Variants in ZDHHC20 observed in about 807,000 individuals in gnomAD.
ZDHHC20 encodes the protein palmitoyltransferase ZDHHC20.
A neutral mutation model predicts 57.8 loss-of-function variants in ZDHHC20; 43 were observed. That is an observed-to-expected ratio of 0.74 (90% CI 0.58 to 0.96). The LOEUF is 0.96. Ranked by LOEUF, ZDHHC20 falls within the 40% of genes least tolerant of loss-of-function variation. The pLI, the probability that ZDHHC20 is intolerant of heterozygous loss-of-function variation, is 0.00. For synonymous variants in ZDHHC20, 157 were observed against 153.0 expected (o/e 1.03, Z -0.19); for missense variants, 391 against 441.1 (o/e 0.89, Z 1.02).
At chr13:21,437,642 TG>T (rs1475907590) in intron 1 of ZDHHC20, among the ~76,000 whole-genome samples, 1 of 152,022 alleles carries the variant, frequency 6.6e-6, no homozygotes, top group Non-Finnish European at 1.5e-5. Context: ...GCTCTAGAAA[TG>T]GAACAACAAA....
chr13:21,413,664 A>T lies in ZDHHC20; in HGVS notation c.358T>A (p.Ser120Thr). The T allele has an allele frequency of 6.3e-7, 1 of 1,594,884 alleles. No homozygotes were observed. The highest frequency in any genetic ancestry group is 8.5e-7 in the Non-Finnish European group (1 of 1,174,556). ...AARALPIYTT[S>T]ASKTIRYCEK... ...TTCTTTTTCTTACTTTTTGAAGCTG[A>T]TGTGGTATAGATAGGTAAAGCTCTT... The change falls in exon 4 of 13, where the codon TCA (serine) becomes ACA (threonine). Residue 120 changes from serine (S) to threonine (T), a missense_variant. This residue lies in a region of ZDHHC20 where 185 missense variants were observed against 188.0 expected (regional missense o/e 0.98). Transcript: ENST00000400590.
At chr13:21,399,726 T>C (rs1413772173) in intron 7 of ZDHHC20, among the ~76,000 whole-genome samples, 1 of 152,148 alleles carries the variant, frequency 6.6e-6, no homozygotes, top group Non-Finnish European at 1.5e-5. Flanking sequence ...CAAATATATA[T>C]ACATGTTATT....
At chr13:21,380,479 G>A (rs1873140491) in intron 11 of ZDHHC20, among the ~76,000 whole-genome samples, 1 of 151,284 alleles carries the variant, frequency 6.6e-6, no homozygotes, top group South Asian at 2.1e-4. Flanking sequence ...TTTCAACTAA[G>A]CAAAAGCTGG....
At chr13:21,442,919 T>C (rs1006089663) in intron 1 of ZDHHC20, among the ~76,000 whole-genome samples, 1 of 152,204 alleles carries the variant, frequency 6.6e-6, no homozygotes, top group African/African-American at 2.4e-5. Flanking sequence ...GAAATCTACA[T>C]GGATGCTGTT....
In ZDHHC20 at chr13:21,375,228, C is replaced by G. The variant is rs1368464713; in HGVS notation, c.*1468G>C. 1 of 454,246 alleles carries G rather than the reference C, an allele frequency of 2.2e-6. No individual in the cohort carries two copies. Among genetic ancestry groups the G allele is most frequent in the African/African-American group, 2.0e-5 (1 of 49,990 alleles). 28.1% of individuals were successfully genotyped at this position (454,246 alleles called of 1,614,324 possible). Reference sequence around the variant, plus strand: ...GAAGTCATCCAGTCCAACTTATTCACAACACCCCCTCCCCTGCAGTCCCAT... The same window carrying G: ...GAAGTCATCCAGTCCAACTTATTCAGAACACCCCCTCCCCTGCAGTCCCAT... On this transcript the variant is annotated 3_prime_UTR_variant, in exon 13 of 13. Transcript: ENST00000400590.
chr13:21,436,832 A>T (rs1882598242), intron 1 of ZDHHC20, among the ~76,000 whole-genome samples: 1 of 152,222 alleles, frequency 6.6e-6, no homozygotes, highest in Non-Finnish European at 1.5e-5. Context: ...CCAAGACAGG[A>T]TAAACGCTAG....
intron 1 of ZDHHC20, among the ~76,000 whole-genome samples, chr13:21,435,029 C>T (rs1248399291): frequency 2.0e-5 from 3 of 152,150 alleles, no homozygotes; most frequent in South Asian, 2.1e-4. Context: ...CCCTTTTATA[C>T]GGGTTGTACC....
intron 1 of ZDHHC20, among the ~76,000 whole-genome samples, chr13:21,448,307 C>A (rs1177871565): frequency 1.0e-5 from 1 of 97,222 alleles, no homozygotes; most frequent in Non-Finnish European, 2.5e-5. Context: ...CCGCCCCGTC[C>A]GGGAGGGAGG....
At chr13:21,397,438 G>A (rs1876971316) in intron 7 of ZDHHC20, among the ~76,000 whole-genome samples, 1 of 152,088 alleles carries the variant, frequency 6.6e-6, no homozygotes, top group African/African-American at 2.4e-5. Flanking sequence ...GAGGTGGGAG[G>A]ACTGTTTGAG....
chr13:21,438,406 A>C (rs1156747560), intron 1 of ZDHHC20, among the ~76,000 whole-genome samples: 1 of 152,216 alleles, frequency 6.6e-6, no homozygotes, highest in African/African-American at 2.4e-5. Flanking sequence ...ATCATGGATG[A>C]CACTAAACAG....
At position 21,375,252 on chromosome 13, in the gene ZDHHC20, A is replaced by G. The variant is rs1434749231; in HGVS notation, c.*1444T>C. 21 of 443,262 alleles carry G rather than the reference A, an allele frequency of 4.7e-5. No homozygotes were observed. Among genetic ancestry groups the G allele is most frequent in the Non-Finnish European group, 7.7e-5 (17 of 221,270 alleles). 27.5% of individuals were successfully genotyped at this position (443,262 alleles called of 1,614,324 possible). A position where few individuals can be genotyped will look rare whatever the true frequency, so the allele number is the denominator to read the frequency against. Reference sequence around the variant, plus strand: ...ACAACACCCCCTCCCCTGCAGTCCCATTTTACAGACAGGAAGCTCCAACCT... The same window carrying G: ...ACAACACCCCCTCCCCTGCAGTCCCGTTTTACAGACAGGAAGCTCCAACCT... On this transcript the variant is annotated 3_prime_UTR_variant, in exon 13 of 13. Transcript: ENST00000400590.
chr13:21,440,022 G>A (rs1190854640), intron 1 of ZDHHC20, among the ~76,000 whole-genome samples: 5 of 141,504 alleles, frequency 3.5e-5, no homozygotes, highest in East Asian at 2.1e-4. Context: ...AGCCAAGATC[G>A]CGCCATGGCA....
chr13:21,441,229 G>A (rs906296333), intron 1 of ZDHHC20, among the ~76,000 whole-genome samples: 1 of 152,162 alleles, frequency 6.6e-6, no homozygotes, highest in African/African-American at 2.4e-5. Flanking sequence ...TGAACGTAAA[G>A]TATGAAATGT....
intron 4 of ZDHHC20, among the ~76,000 whole-genome samples, chr13:21,403,933 C>G (rs760227426): frequency 3.9e-5 from 6 of 152,076 alleles, no homozygotes; most frequent in Non-Finnish European, 8.8e-5. Context: ...GGTGAGTCAC[C>G]CACCTCGGCC....
In ZDHHC20 at chr13:21,374,476, C is replaced by T. The variant is rs1393282924; in HGVS notation, c.*2220G>A. The T allele has an allele frequency of 8.8e-6, 4 of 454,278 alleles. No individual in the cohort carries two copies. The highest frequency in any genetic ancestry group is 2.0e-5 in the African/African-American group (1 of 50,030). The allele number at this position is 454,278 out of a possible 1,614,324, so 28.1% of individuals were successfully genotyped here. On this transcript the variant is annotated 3_prime_UTR_variant, in exon 13 of 13. Transcript: ENST00000400590. ...TCTCGAACCCCTGACCTCAGGTGAT[C>T]CGCCAGCCTTGGCCTCCCAAAGTGC... is the stretch of plus-strand genomic sequence containing the variant.
At chr13:21,387,440 G>A in intron 9 of ZDHHC20, 68 bp downstream of exon 9, 1 of 1,222,818 alleles carries the variant, frequency 8.2e-7, no homozygotes. Context: ...TAAATCTGAA[G>A]ACATTTAACC....
chr13:21,407,131 G>A lies in ZDHHC20; in HGVS notation c.371-4265C>T, dbSNP rs146053304. Among the ~76,000 whole-genome samples, 89 of 152,266 alleles carry A rather than the reference G, an allele frequency of 5.8e-4. 1 individual carries two copies. The East Asian group carries it at 0.016, about 28-fold the overall frequency. ...AGCCTCTTGAGTAGCTGGGATTACAGGTGCCCGCCACCAGGTCCAGCTAAT... is the reference window on the plus strand; with the variant it reads ...AGCCTCTTGAGTAGCTGGGATTACAAGTGCCCGCCACCAGGTCCAGCTAAT... On this transcript the variant is annotated intron_variant, in intron 4 of 12. Coordinates refer to ENST00000400590, the MANE Select transcript of ZDHHC20 (RefSeq NM_001330059.2).
intron 11 of ZDHHC20, among the ~76,000 whole-genome samples, chr13:21,379,577 T>C (rs1230798441): frequency 1.3e-5 from 2 of 151,704 alleles, no homozygotes; most frequent in African/African-American, 4.8e-5. Flanking sequence ...CCACTGTGCC[T>C]GACCCAAAAC....
At position 21,426,122 on chromosome 13, in the gene ZDHHC20, C is replaced by T. The variant is rs1418306925; in HGVS notation, c.119-444G>A. 2.0e-5 allele frequency among the ~76,000 whole-genome samples: 3 copies of T among 152,140 alleles called. 1 individual carries two copies. Among genetic ancestry groups the T allele is most frequent in the Middle Eastern group, 6.3e-3 (2 of 316 alleles). ...GAAAAAAGTAGAGGAACTTACCCTG[C>T]TAATTTTTAGTGTTTTTTTCCTCTG... is the stretch of plus-strand genomic sequence containing the variant. On this transcript the variant is annotated intron_variant, in intron 1 of 12. Transcript: ENST00000400590.
Sources: allele counts gnomAD v4.1 joint callset (sites outside exome capture counted in the v4.1 genomes callset), GRCh38; gene constraint gnomAD v4.1.1; regional missense constraint gnomAD v4.1.1; transcripts MANE v1.5; gene names NCBI Gene and HGNC (gene_info 2026-07-23, HGNC 2026-07-21).